Variants in STXBP5L observed in about 807,000 individuals in gnomAD.
STXBP5L encodes the protein syntaxin binding protein 5L.
STXBP5L carries 65 observed loss-of-function variants against 144.5 expected under a neutral mutation model. The observed-to-expected ratio is 0.45, with a 90% CI of 0.37 to 0.55. STXBP5L has a LOEUF of 0.55. Among genes scored for constraint, STXBP5L ranks in the 20% least tolerant of loss-of-function variants. The pLI is 0.00. For missense variants in STXBP5L, 1,298 were observed against 1,405.5 expected, an observed-to-expected ratio of 0.92 and a Z score of 1.22; for synonymous variants, 505 against 469.6, an observed-to-expected ratio of 1.08 and a Z score of -0.97.
At chr3:121,310,371 G>A (rs1038280635) in intron 19 of STXBP5L, among the ~76,000 whole-genome samples, 6 of 152,040 alleles carry the variant, frequency 3.9e-5, no homozygotes, top group African/African-American at 1.2e-4. Flanking sequence ...ATCACTTTGG[G>A]AGGCCGAGGC....
chr3:121,408,499 G>A (rs553182612), intron 23 of STXBP5L, among the ~76,000 whole-genome samples: 33 of 152,012 alleles, frequency 2.2e-4, no homozygotes, highest in African/African-American at 7.5e-4. Context: ...AATTCCAACA[G>A]AGGAAATATG....
At chr3:121,131,359 A>C (rs574694780) in intron 7 of STXBP5L, among the ~76,000 whole-genome samples, 5 of 152,198 alleles carry the variant, frequency 3.3e-5, no homozygotes, top group Non-Finnish European at 7.4e-5. Flanking sequence ...AGAAAATGAG[A>C]AAGTTATTAA....
chr3:121,103,377 G>A (rs532510349), intron 5 of STXBP5L, among the ~76,000 whole-genome samples: 21 of 152,264 alleles, frequency 1.4e-4, no homozygotes, highest in African/African-American at 4.8e-4. Flanking sequence ...ATGAAGTCAT[G>A]TTCTTTGCAG....
intron 9 of STXBP5L, among the ~76,000 whole-genome samples, chr3:121,187,907 A>G (rs2047467183): frequency 6.6e-6 from 1 of 152,188 alleles, no homozygotes; most frequent in Non-Finnish European, 1.5e-5. Context: ...CTCTCTGATA[A>G]AACAGACTTT....
intron 14 of STXBP5L, among the ~76,000 whole-genome samples, chr3:121,246,238 CT>C (rs1244704028): frequency 6.6e-6 from 1 of 152,174 alleles, no homozygotes; most frequent in Non-Finnish European, 1.5e-5. Flanking sequence ...AGGTTGCACG[CT>C]TCTTATGAGA....
At chr3:121,124,822 C>CT (rs768224755) in intron 7 of STXBP5L, among the ~76,000 whole-genome samples, 3 of 151,460 alleles carry the variant, frequency 2.0e-5, no homozygotes, top group Non-Finnish European at 2.9e-5. Context: ...TTAGTGGGAA[C>CT]TTTTTTTTGT....
At chr3:121,028,038 A>T (rs1946076734) in intron 3 of STXBP5L, among the ~76,000 whole-genome samples, 1 of 152,150 alleles carries the variant, frequency 6.6e-6, no homozygotes, top group African/African-American at 2.4e-5. Flanking sequence ...TGGAAATAAA[A>T]ATTCAGTCAG....
intron 3 of STXBP5L, among the ~76,000 whole-genome samples, chr3:121,031,699 G>A (rs1037955330): frequency 6.6e-6 from 1 of 152,002 alleles, no homozygotes; most frequent in South Asian, 2.1e-4. Flanking sequence ...GATTTAGACT[G>A]GTATTTGGTC....
At chr3:121,131,986 A>G (rs1348086289) in intron 7 of STXBP5L, among the ~76,000 whole-genome samples, 4 of 152,132 alleles carry the variant, frequency 2.6e-5, no homozygotes, top group African/African-American at 9.7e-5. Flanking sequence ...ATGGTCAAGG[A>G]GAGATTTCCT....
chr3:121,074,809 G>A (rs1190769963), intron 5 of STXBP5L, among the ~76,000 whole-genome samples: 1 of 152,152 alleles, frequency 6.6e-6, no homozygotes, highest in African/African-American at 2.4e-5. Context: ...TCTGGAGCAA[G>A]GCTTTTCCTA....
chr3:121,390,664 A>G (rs2046558719), intron 22 of STXBP5L, among the ~76,000 whole-genome samples: 1 of 152,094 alleles, frequency 6.6e-6, no homozygotes, highest in African/African-American at 2.4e-5. Flanking sequence ...TTTGGATATG[A>G]AATTCTGGGT....
intron 5 of STXBP5L, among the ~76,000 whole-genome samples, chr3:121,084,966 TG>T (rs1187988558): frequency 6.6e-6 from 1 of 152,140 alleles, no homozygotes; most frequent in African/African-American, 2.4e-5. Context: ...TAATGATCAA[TG>T]ATGTTGACTT....
chr3:121,095,061 G>A (rs1047252545), intron 5 of STXBP5L, among the ~76,000 whole-genome samples: 1 of 152,130 alleles, frequency 6.6e-6, no homozygotes, highest in African/African-American at 2.4e-5. Context: ...AGTTTGGCTG[G>A]ATATGAAATT....
At chr3:120,913,218 AT>A (rs954568974) in intron 2 of STXBP5L, among the ~76,000 whole-genome samples, 3 of 151,806 alleles carry the variant, frequency 2.0e-5, no homozygotes, top group South Asian at 4.2e-4. Flanking sequence ...AAAGCAAATA[AT>A]TTTTTTTTCT....
intron 19 of STXBP5L, among the ~76,000 whole-genome samples, chr3:121,301,026 G>A (rs1201857096): frequency 6.6e-6 from 1 of 152,188 alleles, no homozygotes. Flanking sequence ...ATTTGGCAAT[G>A]CGGGATCTTT....
intron 5 of STXBP5L, among the ~76,000 whole-genome samples, chr3:121,075,450 G>A (rs1342189396): frequency 1.3e-5 from 2 of 152,010 alleles, no homozygotes; most frequent in East Asian, 3.9e-4. Context: ...TTCTCTCTTG[G>A]CCTCCTCATC....
chr3:121,047,867 G>A (rs920714953), intron 5 of STXBP5L, among the ~76,000 whole-genome samples: 1 of 152,152 alleles, frequency 6.6e-6, no homozygotes, highest in Non-Finnish European at 1.5e-5. Flanking sequence ...ATATTTATGT[G>A]TGTGGATTTG....
intron 5 of STXBP5L, among the ~76,000 whole-genome samples, chr3:121,108,810 C>G (rs2043838226): frequency 6.6e-6 from 1 of 152,096 alleles, no homozygotes; most frequent in African/African-American, 2.4e-5. Context: ...CTTTGTACCT[C>G]TGGTAGAATT....
At position 121,003,125 on chromosome 3, in the gene STXBP5L, T is replaced by C. The variant is rs984769074; in HGVS notation, c.288-38575T>C. 3.5e-3 allele frequency among the ~76,000 whole-genome samples: 528 copies of C among 152,274 alleles called. 2 individuals carry two copies. The highest frequency in any genetic ancestry group is 0.011 in the African/African-American group (441 of 41,544). On this transcript the variant is annotated intron_variant, in intron 3 of 26. Coordinates refer to ENST00000471454, the MANE Select transcript of STXBP5L (RefSeq NM_001308330.2). The stretch of plus-strand genomic sequence containing the variant: ...TTCTAGTTCTAGATCCCCGAGGAAT[T>C]GCCACACTGACTTCCACAATGGTTG...
Sources: allele counts gnomAD v4.1 joint callset (sites outside exome capture counted in the v4.1 genomes callset), GRCh38; gene constraint gnomAD v4.1.1; transcripts MANE v1.5; gene names NCBI Gene and HGNC (gene_info 2026-07-23, HGNC 2026-07-21).